Variants in SFXN3 observed in about 807,000 individuals in gnomAD.
The protein encoded by SFXN3 is sideroflexin 3, also known as sideroflexin-3.
A neutral mutation model predicts 40.4 loss-of-function variants in SFXN3; 31 were observed. The ratio of observed to expected loss-of-function variants is 0.77; its 90% CI spans 0.58 to 1.04. The LOEUF (loss-of-function observed/expected upper bound fraction) is 1.04. Ranked by LOEUF, SFXN3 falls within the 50% of genes least tolerant of loss-of-function variation. The pLI, the probability that SFXN3 is intolerant of heterozygous loss-of-function variation, is 0.00. For missense variants in SFXN3, 366 were observed against 408.2 expected (o/e 0.90, Z 0.89); for synonymous variants, 157 against 160.0 (o/e 0.98, Z 0.14).
In SFXN3 at chr10:101,036,398, T is replaced by A. The variant is rs1013459551; in HGVS notation, c.432-88T>A. On this transcript the variant is annotated intron_variant, in intron 5 of 11. Transcript: ENST00000393459. This position sits in a 1 kb window ranked among gnomAD's most constrained non-coding sequence, Gnocchi z 4.2. ...AAGGAGCTTCCCCTTTTATGCCTCA[T>A]GTATTGAGGACTTGGCATATCCCTA... The A allele has an allele frequency of 9.3e-5, 116 of 1,240,958 alleles. No individual in the cohort carries two copies. The highest frequency in any genetic ancestry group is 1.2e-4 in the Non-Finnish European group (105 of 851,256). 76.9% of individuals were successfully genotyped at this position (1,240,958 alleles called of 1,614,324 possible).
intron 3 of SFXN3, 97 bp downstream of exon 3, chr10:101,034,952 C>T (rs1023742206): frequency 2.1e-6 from 3 of 1,453,054 alleles, no homozygotes; most frequent in East Asian, 2.3e-5. Context: ...TGACAGTGAC[C>T]CTGTCCCTCA....
chr10:101,034,639 T>G, intron 2 of SFXN3, 53 bp from the exon 3 acceptor site: 8 of 1,589,368 alleles, frequency 5.0e-6, no homozygotes, highest in Non-Finnish European at 6.0e-6. Context: ...TTCCCCTAGC[T>G]GGAGCCCTTG....
chr10:101,037,064 C>A lies in SFXN3; in HGVS notation c.594-12C>A. On this transcript the variant is annotated splice_polypyrimidine_tract_variant and intron_variant, in intron 7 of 11. Transcript: ENST00000393459. ...GGGCCTGTGATCTGACCCCAACCCCCCTCCCTTGCAGAGAGCTGCAGGTGG... is the reference window on the plus strand; with the variant it reads ...GGGCCTGTGATCTGACCCCAACCCCACTCCCTTGCAGAGAGCTGCAGGTGG... 1 of 1,613,442 alleles carries A rather than the reference C, an allele frequency of 6.2e-7. No individual in the cohort carries two copies.
chr10:101,035,590 G>C, exon 4 of SFXN3: 1 of 1,614,184 alleles, frequency 6.2e-7, no homozygotes, highest in Non-Finnish European at 8.5e-7. Context: ...CAGGGGAGAA[G>C]GTGGTCCTGA....
At chr10:101,038,366 G>A in intron 9 of SFXN3, 2 of 1,368,324 alleles carry the variant, frequency 1.5e-6, no homozygotes, top group Non-Finnish European at 1.9e-6. Context: ...GAGGAAGTGA[G>A]GGAAGAAAAA....
rs372390332 is a variant in SFXN3, at chr10:101,038,290, A to T, written c.772-353A>T. On this transcript the variant is annotated intron_variant, in intron 9 of 11. Transcript: ENST00000393459. ...GATGTGCTTGGAAAGGGTCAGATTCATGCCACTGGGATGGGAAGAGGTAAG... is the reference window on the plus strand; with the variant it reads ...GATGTGCTTGGAAAGGGTCAGATTCTTGCCACTGGGATGGGAAGAGGTAAG... 32 of 1,219,104 alleles carry T rather than the reference A, an allele frequency of 2.6e-5. No individual in the cohort carries two copies. The East Asian group carries it at 8.0e-4, about 30-fold the overall frequency. The allele number at this position is 1,219,104 out of a possible 1,614,324, so 75.5% of individuals were successfully genotyped here.
chr10:101,034,922 T>C, intron 3 of SFXN3, 67 bp downstream of exon 3: 1 of 1,553,504 alleles, frequency 6.4e-7, no homozygotes, highest in East Asian at 2.3e-5. Context: ...TAATATGTTT[T>C]GTACCTGCCT....
Position 101,036,084 on chromosome 10 carries a change from C to CA in SFXN3, c.415dup (p.Thr139AsnfsTer70). The CA allele has an allele frequency of 6.2e-7, 1 of 1,613,620 alleles. No homozygotes were observed. ...TTAACTACTCCAACCGCAGTGGTGA[C>CA]ACTCCCATCACTGTGAGGTGAGAGC... On this transcript the variant is annotated frameshift_variant, in exon 5 of 12. Transcript: ENST00000393459. LOFTEE classifies it high-confidence loss of function. The surrounding 1 kb of genome is among the most constrained non-coding windows in gnomAD (Gnocchi z 4.2).
At chr10:101,032,879 A>G (rs1363166123) in intron 2 of SFXN3, among the ~76,000 whole-genome samples, 1 of 152,190 alleles carries the variant, frequency 6.6e-6, no homozygotes, top group Non-Finnish European at 1.5e-5. Context: ...TGCCCAACTC[A>G]GCCAGATGGC....
chr10:101,036,722 G>A lies in SFXN3; in HGVS notation c.508-1G>A, dbSNP rs1333517125. ...CACTGAACAACACCCTTCCTCCCCA[G>A]CACCTGCCCCCCTTGGTCGGCAGAT... On this transcript the variant is annotated splice_acceptor_variant, in intron 6 of 11. Transcript: ENST00000393459. LOFTEE classifies it high-confidence loss of function. This position sits in a 1 kb window ranked among gnomAD's most constrained non-coding sequence, Gnocchi z 4.2. 8 of 1,608,710 alleles carry A rather than the reference G, an allele frequency of 5.0e-6. 1 individual carries two copies. Among genetic ancestry groups the A allele is most frequent in the African/African-American group, 4.0e-5 (3 of 74,926 alleles).
chr10:101,034,175 T>TC lies in SFXN3; in HGVS notation c.-3-517_-3-516insC, dbSNP rs1590086821. Among the ~76,000 whole-genome samples the TC allele has an allele frequency of 2.0e-5, 3 of 152,122 alleles. No individual in the cohort carries two copies. In the East Asian group the frequency reaches 5.8e-4, roughly 29 times the overall value. Reference sequence around the variant, plus strand: ...TCCCACGAGGCCATATTTCAGACTATGCATGGGAAGAAACCTTGGACGATA... The same window carrying TC: ...TCCCACGAGGCCATATTTCAGACTATCGCATGGGAAGAAACCTTGGACGATA... On this transcript the variant is annotated intron_variant, in intron 2 of 11. Transcript: ENST00000393459.
intron 9 of SFXN3, 29 bp from the exon 10 acceptor site, chr10:101,038,614 C>T (rs775780146): frequency 8.1e-6 from 13 of 1,613,772 alleles, no homozygotes; most frequent in Middle Eastern, 1.6e-4. Flanking sequence ...GGACACAAGC[C>T]GTTCCATTGT....
In SFXN3 at chr10:101,036,567, G is replaced by C. The variant is rs766390741; in HGVS notation, c.507+6G>C. ...GACTCAAATCCCTCACCAAGGTAAA[G>C]GCCCCTCACTCCCCTGACCACCCCA... is the stretch of plus-strand genomic sequence containing the variant. On this transcript the variant is annotated splice_donor_region_variant and intron_variant, in intron 6 of 11. Coordinates refer to ENST00000393459, the Ensembl canonical transcript of SFXN3. The surrounding 1 kb of genome is among the most constrained non-coding windows in gnomAD (Gnocchi z 4.2). 1 of 1,614,006 alleles carries C rather than the reference G, an allele frequency of 6.2e-7. No homozygotes were observed. Among genetic ancestry groups the C allele is most frequent in the Admixed American group, 1.7e-5 (1 of 60,006 alleles).
rs889361435 is a variant in SFXN3 at position 101,036,069 on chromosome 10, C to A, written c.399C>A (p.Ser133=). 9.9e-6 allele frequency: 16 copies of A among 1,614,014 alleles called. No individual in the cohort carries two copies. Among genetic ancestry groups the A allele is most frequent in the Non-Finnish European group, 1.3e-5 (15 of 1,179,970 alleles). Reference sequence around the variant, plus strand: ...CCTTCAATGCCATTGTTAACTACTCCAACCGCAGTGGTGACACTCCCATCA... The same window carrying A: ...CCTTCAATGCCATTGTTAACTACTCAAACCGCAGTGGTGACACTCCCATCA... Residue 133 remains serine (S), a synonymous_variant, in exon 5 of 12, where the codon TCC becomes TCA. Transcript: ENST00000393459. The surrounding 1 kb of genome is among the most constrained non-coding windows in gnomAD (Gnocchi z 4.2).
chr10:101,034,129 G>A (rs1179877093), intron 2 of SFXN3, among the ~76,000 whole-genome samples: 1 of 152,020 alleles, frequency 6.6e-6, no homozygotes, highest in African/African-American at 2.4e-5. Context: ...GTCAAGCTGG[G>A]GGACGGTCAG....
chr10:101,039,247 G>A lies in SFXN3; in HGVS notation c.869+25G>A. The A allele has an allele frequency of 6.3e-7, 1 of 1,591,922 alleles. No individual in the cohort carries two copies. The highest frequency in any genetic ancestry group is 8.6e-7 in the Non-Finnish European group (1 of 1,167,160). On this transcript the variant is annotated intron_variant, in intron 11 of 11. Transcript: ENST00000393459. The surrounding 1 kb of genome is among the most constrained non-coding windows in gnomAD (Gnocchi z 4.6). ...GGTAAGTGCTGTCCCTGGGCTGGGT[G>A]GGGGACTCTGGATTGGACTCTGCAT...
At chr10:101,033,520 T>C (rs1240185919) in intron 2 of SFXN3, among the ~76,000 whole-genome samples, 1 of 152,126 alleles carries the variant, frequency 6.6e-6, no homozygotes, top group Non-Finnish European at 1.5e-5. Context: ...ACACCCTTGC[T>C]TACCTACCTA....
chr10:101,031,292 G>A (rs1462565611), exon 1 of SFXN3: 1 of 152,302 alleles, frequency 6.6e-6, no homozygotes, highest in African/African-American at 2.4e-5. Context: ...CCCGGGCAGC[G>A]GAGTTCTTTA....
chr10:101,036,605 C>A lies in SFXN3; in HGVS notation c.507+44C>A. ...CCTGACCACCCCATTCATCCTCTAT[C>A]TGCCTCCTTCTTCCTCATCACACCT... is the stretch of plus-strand genomic sequence containing the variant. On this transcript the variant is annotated intron_variant, in intron 6 of 11. Coordinates refer to ENST00000393459, the Ensembl canonical transcript of SFXN3. This position sits in a 1 kb window ranked among gnomAD's most constrained non-coding sequence, Gnocchi z 4.2. 1 of 1,613,248 alleles carries A rather than the reference C, an allele frequency of 6.2e-7. No individual in the cohort carries two copies.
Sources: gnomAD v4.1 joint callset for allele counts (sites outside exome capture counted in the v4.1 genomes callset) on GRCh38, gnomAD v4.1.1 for gene constraint, Gnocchi (gnomAD v3.1) non-coding constraint, MANE v1.5 for transcripts, NCBI Gene and HGNC (gene_info 2026-07-23, HGNC 2026-07-21) for gene names.